SCGB2A1: variants seen among roughly 807,000 people sequenced by gnomAD.
SCGB2A1 encodes mammaglobin-B.
In SCGB2A1, 6 loss-of-function variants were observed where a neutral mutation model predicts 9.2. That is an observed-to-expected ratio of 0.66 (90% CI 0.36 to 1.29). The LOEUF (loss-of-function observed/expected upper bound fraction) is 1.29, where lower values mean the gene tolerates loss of function less well. Among genes scored for constraint, SCGB2A1 ranks in the 50% most tolerant of loss-of-function variants. The probability of loss-of-function intolerance (pLI) is 0.03; values close to 1 mark genes in which losing one functional copy is unlikely to be tolerated. For missense variants in SCGB2A1, 138 were observed against 116.9 expected, an observed-to-expected ratio of 1.18 and a Z score of -0.83; for synonymous variants, 37 against 41.0, an observed-to-expected ratio of 0.90 and a Z score of 0.37.
At chr11:62,212,911 T>TATATACACACACAC in intron 2 of SCGB2A1, among the ~76,000 whole-genome samples, 1 of 143,856 alleles carries the variant, frequency 7.0e-6, no homozygotes, top group African/African-American at 2.9e-5. Flanking sequence ...TATATATACA[T>TATATACACACACAC]ATATATACAC....
At chr11:62,213,007 T>C (rs535388495) in intron 2 of SCGB2A1, among the ~76,000 whole-genome samples, 106 of 88,614 alleles carry the variant, frequency 1.2e-3, no homozygotes, top group African/African-American at 3.4e-3. Context: ...TATGTACACA[T>C]ATATGCACAT....
chr11:62,212,935 C>CACACATATGT (rs562726625), intron 2 of SCGB2A1, among the ~76,000 whole-genome samples: 2,526 of 133,690 alleles, frequency 0.019, 84 homozygotes, highest in African/African-American at 0.067. Context: ...CACATATATA[C>CACACATATGT]ACACATATGT....
intron 2 of SCGB2A1, among the ~76,000 whole-genome samples, chr11:62,210,945 C>T (rs1176781544): frequency 2.1e-5 from 3 of 141,570 alleles, no homozygotes; most frequent in African/African-American, 5.3e-5. Context: ...TTTTTTGAGA[C>T]GGAGTTTCGC....
In SCGB2A1 at chr11:62,208,769, T is replaced by C. The variant is rs1590653612; in HGVS notation, c.38T>C (p.Leu13Pro). The change falls in exon 1 of 3, where the codon CTC becomes CCC. Residue 13 changes from leucine to proline, a missense_variant. Leu to Pro is a moderately conservative substitution (Grantham distance 98, BLOSUM62 -3). Coordinates refer to ENST00000244930, the MANE Select transcript of SCGB2A1 (RefSeq NM_002407.3). ...ATGGTCCTCATGCTGGCGGCCCTCCTCCTGCACTGCTATGCAGGTGAGTTC... is the reference window on the plus strand; with the variant it reads ...ATGGTCCTCATGCTGGCGGCCCTCCCCCTGCACTGCTATGCAGGTGAGTTC... The part of the protein sequence containing the change: ...LLMVLMLAAL[L>P]LHCYADSGCK... 1 of 1,613,462 alleles carries C rather than the reference T, an allele frequency of 6.2e-7. No individual in the cohort carries two copies. The highest frequency in any genetic ancestry group is 8.5e-7 in the Non-Finnish European group (1 of 1,179,888).
chr11:62,210,924 T>G (rs1463895924), intron 2 of SCGB2A1, among the ~76,000 whole-genome samples: 3 of 20,966 alleles, frequency 1.4e-4, no homozygotes, highest in Admixed American at 1.6e-3. Context: ...GGCATCGGCA[T>G]TTTTTTTTTT....
At chr11:62,210,321 T>C (rs942742357) in intron 1 of SCGB2A1, 92 bp from the exon 2 acceptor site, 23 of 1,465,258 alleles carry the variant, frequency 1.6e-5, no homozygotes, top group Non-Finnish European at 2.0e-5. Flanking sequence ...GGTACGAAGA[T>C]AGCCAGCTTC....
chr11:62,210,420 C>A lies in SCGB2A1; in HGVS notation c.63C>A (p.Gly21=). The change falls in exon 2 of 3, where the codon GGC becomes GGA. Residue 21 remains glycine (G), a synonymous_variant. Coordinates refer to ENST00000244930, the MANE Select transcript of SCGB2A1 (RefSeq NM_002407.3). ...TTTTTTTTTTTTTTCCAGATTCTGGCTGCAAACTCCTGGAGGACATGGTTG... is the reference window on the plus strand; with the variant it reads ...TTTTTTTTTTTTTTCCAGATTCTGGATGCAAACTCCTGGAGGACATGGTTG... ...ALLLHCYADS[G]CKLLEDMVEK... The A allele has an allele frequency of 7.5e-7, 1 of 1,339,520 alleles. No homozygotes were observed. 83.0% of individuals were successfully genotyped at this position (1,339,520 alleles called of 1,614,324 possible).
intron 2 of SCGB2A1, among the ~76,000 whole-genome samples, chr11:62,211,912 G>GTTTTGTT: frequency 6.6e-6 from 1 of 152,070 alleles, no homozygotes; most frequent in East Asian, 1.9e-4. Context: ...TTGGTTACGA[G>GTTTTGTT]TTTTGTTTTT....
At chr11:62,210,384 GTC>G in intron 1 of SCGB2A1, 27 bp from the exon 2 acceptor site, 2 of 1,318,040 alleles carry the variant, frequency 1.5e-6, no homozygotes, top group Non-Finnish European at 2.0e-6. Context: ...ATGTTCTTGT[GTC>G]TTTTTTTTTT....
intron 2 of SCGB2A1, among the ~76,000 whole-genome samples, chr11:62,211,338 T>G (rs1031541416): frequency 9.5e-6 from 1 of 105,326 alleles, no homozygotes; most frequent in Non-Finnish European, 2.2e-5. Context: ...TTCAAAACAT[T>G]CTTATTTTTT....
At chr11:62,209,904 A>G (rs1043132100) in intron 1 of SCGB2A1, among the ~76,000 whole-genome samples, 3 of 152,022 alleles carry the variant, frequency 2.0e-5, no homozygotes, top group African/African-American at 7.2e-5. Context: ...TAAACTCCTG[A>G]GCTCAAGCAA....
chr11:62,208,936 G>A, intron 1 of SCGB2A1, 150 bp downstream of exon 1: 1 of 685,102 alleles, frequency 1.5e-6, no homozygotes, highest in Non-Finnish European at 2.5e-6. Context: ...ATGAGTTCCT[G>A]ACAATCAAGC....
At chr11:62,208,938 C>A (rs1172754728) in intron 1 of SCGB2A1, 152 bp downstream of exon 1, 5 of 678,018 alleles carry the variant, frequency 7.4e-6, no homozygotes, top group Non-Finnish European at 1.3e-5. Flanking sequence ...GAGTTCCTGA[C>A]AATCAAGCAT....
chr11:62,213,638 C>A, intron 2 of SCGB2A1, 88 bp from the exon 3 acceptor site: 2 of 1,314,218 alleles, frequency 1.5e-6, no homozygotes, highest in Non-Finnish European at 2.2e-6. Flanking sequence ...TGTTTGTGGA[C>A]AAATGCAAGA....
intron 1 of SCGB2A1, among the ~76,000 whole-genome samples, chr11:62,209,010 C>T (rs879448087): frequency 5.3e-5 from 8 of 152,104 alleles, no homozygotes; most frequent in Non-Finnish European, 8.8e-5. Context: ...TGGCACTCAG[C>T]GTCTCACCAT....
Position 62,210,923 on chromosome 11 carries a change from ATTT to A in SCGB2A1, c.243+338_243+340del, listed in dbSNP as rs5792248. Among the ~76,000 whole-genome samples the A allele has an allele frequency of 9.0e-4, 124 of 137,290 alleles. 1 individual carries two copies. Among genetic ancestry groups the A allele is most frequent in the Middle Eastern group, 7.7e-3 (2 of 260 alleles). 90.1% of individuals were successfully genotyped at this position (137,290 alleles called of 152,430 possible). A position where few individuals can be genotyped will look rare whatever the true frequency, so the allele number is the denominator to read the frequency against. Reference sequence around the variant, plus strand: ...CAGACACACGGGGACAGGCATCGGCATTTTTTTTTTTTTTTTTGAGACGGAGTT... The same window carrying A: ...CAGACACACGGGGACAGGCATCGGCATTTTTTTTTTTTTTGAGACGGAGTT... On this transcript the variant is annotated intron_variant, in intron 2 of 2. Transcript: ENST00000244930.
At chr11:62,212,979 T>C (rs562548760) in intron 2 of SCGB2A1, among the ~76,000 whole-genome samples, 1 of 146,712 alleles carries the variant, frequency 6.8e-6, no homozygotes, top group African/African-American at 2.5e-5. Context: ...CACATATATG[T>C]GCACATATAC....
At chr11:62,209,105 A>G (rs1944807425) in intron 1 of SCGB2A1, among the ~76,000 whole-genome samples, 1 of 152,108 alleles carries the variant, frequency 6.6e-6, no homozygotes, top group Non-Finnish European at 1.5e-5. Flanking sequence ...GAGAGATGGC[A>G]TCTACACCTA....
chr11:62,210,763 A>C (rs1454984597), intron 2 of SCGB2A1, among the ~76,000 whole-genome samples, 163 bp downstream of exon 2: 1 of 152,104 alleles, frequency 6.6e-6, no homozygotes, highest in African/African-American at 2.4e-5. Flanking sequence ...CACATTGAGA[A>C]TCTTTAGGGA....
Sources: gnomAD v4.1 joint callset for allele counts (sites outside exome capture counted in the v4.1 genomes callset) on GRCh38, gnomAD v4.1.1 for gene constraint, MANE v1.5 for transcripts, NCBI Gene and HGNC (gene_info 2026-07-23, HGNC 2026-07-21) for gene names.